CACNB2: variants seen among roughly 807,000 people sequenced by gnomAD.
CACNB2 encodes the protein voltage-dependent L-type calcium channel subunit beta-2.
Under a neutral mutation model 73.3 loss-of-function variants are expected in CACNB2, and 42 were observed. The ratio of observed to expected loss-of-function variants is 0.57; its 90% CI spans 0.45 to 0.74. CACNB2 has a LOEUF of 0.74. Among genes scored for constraint, CACNB2 ranks in the 30% least tolerant of loss-of-function variants. CACNB2 has a pLI of 0.00. For missense variants in CACNB2, 940 were observed against 853.0 expected, an observed-to-expected ratio of 1.10 and a Z score of -1.27; for synonymous variants, 348 against 310.3, an observed-to-expected ratio of 1.12 and a Z score of -1.28.
At chr10:18,408,499 G>C (rs1030631455) in intron 3 of CACNB2, among the ~76,000 whole-genome samples, 5 of 151,952 alleles carry the variant, frequency 3.3e-5, no homozygotes, top group African/African-American at 1.2e-4. Context: ...TTGGACTCTT[G>C]AAGTTCTGGG....
chr10:18,382,595 T>C (rs1462995390), intron 2 of CACNB2, among the ~76,000 whole-genome samples: 1 of 152,150 alleles, frequency 6.6e-6, no homozygotes, highest in African/African-American at 2.4e-5. Context: ...TGTGTCCGTG[T>C]GTTCTCATTG....
intron 5 of CACNB2, among the ~76,000 whole-genome samples, chr10:18,502,619 A>G (rs1408878035): frequency 7.4e-6 from 1 of 134,660 alleles, no homozygotes; most frequent in Non-Finnish European, 1.5e-5. Context: ...CGAACCCGGG[A>G]GGCAGAGGTT....
At chr10:18,222,798 G>A (rs564957399) in intron 2 of CACNB2, among the ~76,000 whole-genome samples, 29 of 152,254 alleles carry the variant, frequency 1.9e-4, no homozygotes, top group Admixed American at 5.2e-4. Flanking sequence ...GCAGTTGGGC[G>A]TGGTGGTGGA....
intron 2 of CACNB2, among the ~76,000 whole-genome samples, chr10:18,220,222 TATATATATATAGAG>T (rs1231143856): frequency 1.5e-4 from 7 of 48,254 alleles, no homozygotes; most frequent in African/African-American, 1.1e-3. Context: ...TATATATATA[TATATATATATAGAG>T]AGAGAGAGAG....
chr10:18,141,271 G>C (rs1464839986), intron 1 of CACNB2: 7 of 1,381,376 alleles, frequency 5.1e-6, no homozygotes, highest in Non-Finnish European at 7.0e-6. Flanking sequence ...CTACGATGCC[G>C]ACTCTCCTGG....
intron 2 of CACNB2, among the ~76,000 whole-genome samples, chr10:18,358,543 T>TCG (rs2042020254): frequency 3.2e-5 from 1 of 30,980 alleles, no homozygotes; most frequent in African/African-American, 1.1e-4. Flanking sequence ...TCTCTCTCTC[T>TCG]CTCTCTCTCG....
At chr10:18,255,839 CA>C (rs2037263591) in intron 2 of CACNB2, among the ~76,000 whole-genome samples, 1 of 152,182 alleles carries the variant, frequency 6.6e-6, no homozygotes, top group Admixed American at 6.5e-5. Flanking sequence ...TAAGCAGAGT[CA>C]ATTCTGACAA....
intron 2 of CACNB2, among the ~76,000 whole-genome samples, chr10:18,335,899 T>C (rs1176891187): frequency 6.6e-6 from 1 of 151,506 alleles, no homozygotes; most frequent in Non-Finnish European, 1.5e-5. Flanking sequence ...TATGTTCCAT[T>C]TAGAATTTCC....
chr10:18,302,900 T>C (rs1043299112), intron 2 of CACNB2, among the ~76,000 whole-genome samples: 5 of 152,224 alleles, frequency 3.3e-5, no homozygotes, highest in Middle Eastern at 3.2e-3. Context: ...AGGTGTGCAG[T>C]AGACTTTTCT....
chr10:18,393,137 A>G (rs915855772), intron 2 of CACNB2, among the ~76,000 whole-genome samples: 2 of 151,494 alleles, frequency 1.3e-5, no homozygotes, highest in African/African-American at 4.9e-5. Flanking sequence ...TGAACCCGGG[A>G]AGCGGAGATT....
At chr10:18,290,991 A>G (rs966030419) in intron 2 of CACNB2, among the ~76,000 whole-genome samples, 2 of 152,004 alleles carry the variant, frequency 1.3e-5, no homozygotes, top group South Asian at 2.1e-4. Flanking sequence ...TGGGGCTTCT[A>G]TTTTTCTTAC....
chr10:18,309,461 T>G (rs55857419), intron 2 of CACNB2, among the ~76,000 whole-genome samples: 12,728 of 152,154 alleles, frequency 0.084, 691 homozygotes, highest in Non-Finnish European at 0.12. Context: ...GATTTTTCTT[T>G]TTTCCTTTTT....
rs191913152 is a variant in CACNB2 at position 18,296,139 on chromosome 10, G to T, written c.214-105785G>T. ...TGCTTTTACCTAATTTGATATGCAG[G>T]TTTCACTGCAACATCTAGATTACTG... is the stretch of plus-strand genomic sequence containing the variant. On this transcript the variant is annotated intron_variant, in intron 2 of 13. Transcript: ENST00000324631. 1.7e-4 allele frequency among the ~76,000 whole-genome samples: 26 copies of T among 151,008 alleles called. No individual in the cohort carries two copies. In the East Asian group the frequency reaches 3.1e-3, roughly 18 times the overall value.
intron 2 of CACNB2, among the ~76,000 whole-genome samples, chr10:18,346,373 C>T (rs570361879): frequency 6.6e-6 from 1 of 151,990 alleles, no homozygotes; most frequent in Non-Finnish European, 1.5e-5. Context: ...CTCCTGACCT[C>T]GAGTTCCACT....
chr10:18,441,383 G>A (rs772745299), intron 3 of CACNB2, among the ~76,000 whole-genome samples: 18 of 152,218 alleles, frequency 1.2e-4, no homozygotes, highest in South Asian at 4.1e-4. Flanking sequence ...CTAGTCTGCC[G>A]ACAGAGCAAG....
chr10:18,144,100 C>T (rs1372851713), intron 1 of CACNB2, among the ~76,000 whole-genome samples: 1 of 152,104 alleles, frequency 6.6e-6, no homozygotes, highest in Non-Finnish European at 1.5e-5. Context: ...TGTTTTGAAA[C>T]GGAGTCTCAC....
At chr10:18,299,998 C>A (rs944508871) in intron 2 of CACNB2, among the ~76,000 whole-genome samples, 3 of 151,584 alleles carry the variant, frequency 2.0e-5, no homozygotes, top group Non-Finnish European at 4.4e-5. Context: ...GAGCCTCTAC[C>A]CAGTGAATGC....
intron 3 of CACNB2, among the ~76,000 whole-genome samples, chr10:18,448,796 G>A (rs1238802231): frequency 6.6e-6 from 1 of 152,176 alleles, no homozygotes; most frequent in Non-Finnish European, 1.5e-5. Flanking sequence ...AAGTTACCAG[G>A]AATGAAAGAA....
chr10:18,539,621 G>A lies in CACNB2; in HGVS notation c.1880G>A (p.Arg627His), dbSNP rs758934103. The change falls in exon 14 of 14, where the codon CGT (arginine) becomes CAT (histidine). Residue 627 changes from arginine to histidine, a missense_variant. Arg to His is a conservative substitution (Grantham distance 29). Transcript: ENST00000324631. ...AACGAGTGCAACAAGCAGCGCAGCC[G>A]TCATAAATCCAAGGATCGCTACTGT... ...DHNECNKQRS[R>H]HKSKDRYCEK... is the part of the protein sequence containing the mutation. 29 of 1,613,498 alleles carry A rather than the reference G, an allele frequency of 1.8e-5. 2 individuals carry two copies. The highest frequency in any genetic ancestry group is 1.3e-4 in the South Asian group (12 of 91,070).
Sources: allele counts gnomAD v4.1 joint callset (sites outside exome capture counted in the v4.1 genomes callset), GRCh38; gene constraint gnomAD v4.1.1; transcripts MANE v1.5; gene names NCBI Gene and HGNC (gene_info 2026-07-23, HGNC 2026-07-21).